Variants in COG5 observed in about 807,000 individuals in gnomAD.
COG5 encodes the protein component of oligomeric golgi complex 5.
COG5 carries 86 observed loss-of-function variants against 110.4 expected under a neutral mutation model. The ratio of observed to expected loss-of-function variants is 0.78; its 90% CI spans 0.65 to 0.93. The LOEUF (loss-of-function observed/expected upper bound fraction) is 0.93. Among genes scored for constraint, COG5 ranks in the 40% least tolerant of loss-of-function variants. The probability of loss-of-function intolerance (pLI) is 0.00; values close to 1 mark genes in which losing one functional copy is unlikely to be tolerated. For synonymous variants in COG5, 360 were observed against 334.6 expected, an observed-to-expected ratio of 1.08 and a Z score of -0.83; for missense variants, 1,077 against 987.0, an observed-to-expected ratio of 1.09 and a Z score of -1.22.
At chr7:107,403,975 A>G (rs1791628561) in intron 7 of COG5, among the ~76,000 whole-genome samples, 1 of 152,142 alleles carries the variant, frequency 6.6e-6, no homozygotes, top group South Asian at 2.1e-4. Context: ...AACATCACCC[A>G]TTTCTTTAAC....
intron 7 of COG5, among the ~76,000 whole-genome samples, chr7:107,404,166 T>A (rs1791641069): frequency 6.6e-6 from 1 of 152,182 alleles, no homozygotes; most frequent in African/African-American, 2.4e-5. Context: ...ATTTTAACTT[T>A]TACAATGAAC....
In COG5 at chr7:107,201,866, A is replaced by T. The variant is rs1352106384; in HGVS notation, c.*1650T>A. On this transcript the variant is annotated 3_prime_UTR_variant, in exon 22 of 22. Transcript: ENST00000297135. Reference sequence around the variant, plus strand: ...TATTGTACACATGATGAAATGAAGCAGAAGCTGGGAGTCGGCCTTTCCTCT... The same window carrying T: ...TATTGTACACATGATGAAATGAAGCTGAAGCTGGGAGTCGGCCTTTCCTCT... 1 of 153,658 alleles carries T rather than the reference A, an allele frequency of 6.5e-6. No individual in the cohort carries two copies. Among genetic ancestry groups the T allele is most frequent in the Non-Finnish European group, 1.5e-5 (1 of 68,796 alleles). The allele number at this position is 153,658 out of a possible 1,614,324, so 9.5% of individuals were successfully genotyped here. A position where few individuals can be genotyped will look rare whatever the true frequency, so the allele number is the denominator to read the frequency against.
chr7:107,212,308 GC>G (rs1450455160), intron 19 of COG5, among the ~76,000 whole-genome samples: 1 of 152,178 alleles, frequency 6.6e-6, no homozygotes, highest in Non-Finnish European at 1.5e-5. Context: ...TCACCAGAAA[GC>G]CATAAAGCTC....
At chr7:107,384,770 A>T (rs1815432044) in intron 7 of COG5, among the ~76,000 whole-genome samples, 1 of 152,196 alleles carries the variant, frequency 6.6e-6, no homozygotes, top group Non-Finnish European at 1.5e-5. Context: ...TCTGTAAGCA[A>T]GAAGCAGAGC....
chr7:107,465,101 T>G (rs1796221004), intron 6 of COG5, among the ~76,000 whole-genome samples: 1 of 152,160 alleles, frequency 6.6e-6, no homozygotes, highest in Non-Finnish European at 1.5e-5. Context: ...ACACTCCCAT[T>G]CAACCTAATA....
chr7:107,500,445 A>G (rs1798565874), intron 6 of COG5, among the ~76,000 whole-genome samples: 1 of 152,172 alleles, frequency 6.6e-6, no homozygotes, highest in South Asian at 2.1e-4. Flanking sequence ...CCTCATTCTG[A>G]GGATCATGCC....
chr7:107,218,236 C>G (rs899930392), intron 19 of COG5, among the ~76,000 whole-genome samples: 1 of 152,024 alleles, frequency 6.6e-6, no homozygotes, highest in Non-Finnish European at 1.5e-5. Flanking sequence ...TCTGTGTTCA[C>G]GGACTTGAAG....
chr7:107,401,140 T>TA (rs548532293), intron 7 of COG5, among the ~76,000 whole-genome samples: 1,824 of 152,008 alleles, frequency 0.012, 32 homozygotes, highest in African/African-American at 0.041. Flanking sequence ...TGCGGCAACA[T>TA]AAAAAAACAG....
Position 107,504,533 on chromosome 7 carries a change from C to T in COG5, c.538+22704G>A, listed in dbSNP as rs142530169. Among the ~76,000 whole-genome samples, 660 of 152,184 alleles carry T rather than the reference C, an allele frequency of 4.3e-3. 7 individuals carry two copies. Among genetic ancestry groups the T allele is most frequent in the African/African-American group, 0.015 (624 of 41,548 alleles). ...TCAAAGAATGATTCAGAGAGAATTC[C>T]CTCTTTCTCAATCTTTTGCAATAGT... is the stretch of plus-strand genomic sequence containing the variant. On this transcript the variant is annotated intron_variant, in intron 6 of 21. Transcript: ENST00000297135.
At chr7:107,558,165 C>G in intron 1 of COG5, 50 bp from the exon 2 acceptor site, 1 of 1,570,832 alleles carries the variant, frequency 6.4e-7, no homozygotes, top group South Asian at 1.1e-5. Flanking sequence ...CTGTACTAAA[C>G]CAGTTATTAA....
At chr7:107,444,143 T>C (rs1794875025) in intron 6 of COG5, among the ~76,000 whole-genome samples, 1 of 152,194 alleles carries the variant, frequency 6.6e-6, no homozygotes. Context: ...AAAACGGGGA[T>C]GATGAATTAA....
intron 6 of COG5, among the ~76,000 whole-genome samples, chr7:107,513,026 CAA>C (rs1799646423): frequency 1.3e-5 from 2 of 152,066 alleles, no homozygotes; most frequent in South Asian, 4.1e-4. Flanking sequence ...GCAATGGCAA[CAA>C]AAGACAAAAT....
intron 5 of COG5, among the ~76,000 whole-genome samples, chr7:107,535,591 C>A (rs1464677602): frequency 1.3e-5 from 2 of 152,118 alleles, no homozygotes; most frequent in Admixed American, 1.3e-4. Context: ...GACATATACA[C>A]CCTCCCAAGA....
intron 5 of COG5, among the ~76,000 whole-genome samples, chr7:107,537,473 G>C (rs554077922): frequency 6.0e-4 from 92 of 152,194 alleles, no homozygotes; most frequent in Admixed American, 5.4e-3. Flanking sequence ...ATCATTCTCA[G>C]CAAACTAACA....
At chr7:107,436,200 G>A (rs1584820774) in intron 6 of COG5, among the ~76,000 whole-genome samples, 1 of 152,250 alleles carries the variant, frequency 6.6e-6, no homozygotes, top group African/African-American at 2.4e-5. Flanking sequence ...AGACACTGAA[G>A]CAACTTAAAT....
At chr7:107,506,321 G>C (rs1482788340) in intron 6 of COG5, among the ~76,000 whole-genome samples, 1 of 152,172 alleles carries the variant, frequency 6.6e-6, no homozygotes, top group Non-Finnish European at 1.5e-5. Context: ...GGTTTCTCAG[G>C]AATGGGCAGG....
chr7:107,420,683 G>A (rs891943895), intron 6 of COG5, among the ~76,000 whole-genome samples: 5 of 152,038 alleles, frequency 3.3e-5, no homozygotes, highest in African/African-American at 1.2e-4. Flanking sequence ...GGATGGTCTC[G>A]ATCTCCTGAC....
At chr7:107,383,744 C>T (rs1380637761) in intron 7 of COG5, among the ~76,000 whole-genome samples, 5 of 152,150 alleles carry the variant, frequency 3.3e-5, no homozygotes, top group African/African-American at 1.2e-4. Context: ...GTCTGTACCC[C>T]TTTCTAATGC....
chr7:107,456,894 C>G (rs1367072421), intron 6 of COG5, among the ~76,000 whole-genome samples: 1 of 152,166 alleles, frequency 6.6e-6, no homozygotes, highest in African/African-American at 2.4e-5. Context: ...TAGGGCTAAA[C>G]TAGCCTTAGA....
Sources: gnomAD v4.1 joint callset for allele counts (sites outside exome capture counted in the v4.1 genomes callset) on GRCh38, gnomAD v4.1.1 for gene constraint, MANE v1.5 for transcripts, NCBI Gene and HGNC (gene_info 2026-07-23, HGNC 2026-07-21) for gene names.